SYBU: variants seen among roughly 807,000 people sequenced by gnomAD.
SYBU encodes syntabulin, also known as GOLSYN A protein.
A neutral mutation model predicts 35.9 loss-of-function variants in SYBU; 21 were observed. The ratio of observed to expected loss-of-function variants is 0.58; its 90% CI spans 0.41 to 0.84. The LOEUF (loss-of-function observed/expected upper bound fraction) is 0.84. Ranked by LOEUF, SYBU falls within the 40% of genes least tolerant of loss-of-function variation. SYBU has a pLI of 0.00. For missense variants in SYBU, 768 were observed against 848.2 expected (o/e 0.91, Z 1.17); for synonymous variants, 319 against 324.3 (o/e 0.98, Z 0.18).
intron 2 of SYBU, among the ~76,000 whole-genome samples, chr8:109,623,528 A>C (rs534322626): frequency 2.0e-4 from 31 of 152,316 alleles, no homozygotes; most frequent in Non-Finnish European, 4.1e-4. Flanking sequence ...GAAAATAAAA[A>C]ACATGCTAAG....
At chr8:109,668,845 C>T (rs997161521) in intron 1 of SYBU, among the ~76,000 whole-genome samples, 1 of 152,132 alleles carries the variant, frequency 6.6e-6, no homozygotes, top group African/African-American at 2.4e-5. Flanking sequence ...TAAAATTCCT[C>T]TTAATTTGTA....
At chr8:109,655,290 T>C (rs970054616) in intron 1 of SYBU, among the ~76,000 whole-genome samples, 1 of 152,254 alleles carries the variant, frequency 6.6e-6, no homozygotes, top group African/African-American at 2.4e-5. Context: ...TGCTCCTGTC[T>C]TGAGTGTGAA....
chr8:109,589,206 C>T (rs1347606373), intron 3 of SYBU, among the ~76,000 whole-genome samples: 4 of 151,912 alleles, frequency 2.6e-5, no homozygotes, highest in Non-Finnish European at 4.4e-5. Context: ...AAAGAAAAAA[C>T]GTAGGACCTC....
chr8:109,644,564 T>C (rs1586933006), intron 1 of SYBU, 72 bp downstream of exon 1: 1 of 1,499,888 alleles, frequency 6.7e-7, no homozygotes, highest in South Asian at 1.2e-5. Flanking sequence ...CCAGCTCTCA[T>C]CCCGCCGCTT....
chr8:109,648,006 A>G (rs886999881), upstream of SYBU: 11 of 152,170 alleles, frequency 7.2e-5, no homozygotes, highest in African/African-American at 2.7e-4. Flanking sequence ...ATTAGAAGAA[A>G]TGTCTTGTAA....
At chr8:109,621,896 C>T (rs1812440052) in intron 2 of SYBU, among the ~76,000 whole-genome samples, 1 of 152,152 alleles carries the variant, frequency 6.6e-6, no homozygotes, top group Admixed American at 6.6e-5. Flanking sequence ...AAGACCCCAG[C>T]AAAGGCACAG....
intron 1 of SYBU, among the ~76,000 whole-genome samples, chr8:109,654,404 C>T (rs745980038): frequency 1.3e-5 from 2 of 152,106 alleles, no homozygotes; most frequent in Non-Finnish European, 2.9e-5. Flanking sequence ...AATACTCGCA[C>T]ATTTTTGAAA....
chr8:109,622,285 G>C (rs796685860), intron 2 of SYBU, among the ~76,000 whole-genome samples: 42 of 151,836 alleles, frequency 2.8e-4, no homozygotes, highest in African/African-American at 1.0e-3. Context: ...AGGCTGCAGT[G>C]CAGTGGTGTG....
intron 3 of SYBU, among the ~76,000 whole-genome samples, chr8:109,615,711 T>C (rs1175950969): frequency 6.6e-6 from 1 of 152,168 alleles, no homozygotes; most frequent in East Asian, 1.9e-4. Context: ...GCAATTACAT[T>C]AGAAGCAGTT....
At chr8:109,600,555 A>G (rs1053415634) in intron 3 of SYBU, among the ~76,000 whole-genome samples, 1 of 152,234 alleles carries the variant, frequency 6.6e-6, no homozygotes, top group Non-Finnish European at 1.5e-5. Flanking sequence ...ACTTACATAT[A>G]TGATTGCAGA....
rs143661970 is a variant in SYBU, at chr8:109,596,467, T to G, written c.428-10305A>C. On this transcript the variant is annotated intron_variant, in intron 3 of 6. Coordinates refer to ENST00000276646, the MANE Select transcript of SYBU (RefSeq NM_001099754.2). ...TTACATGCATTTATGTGGTCTTCCTTTATCTTATCCCCTGTTCACCATTTC... is the reference window on the plus strand; with the variant it reads ...TTACATGCATTTATGTGGTCTTCCTGTATCTTATCCCCTGTTCACCATTTC... Among the ~76,000 whole-genome samples, 7 of 152,336 alleles carry G rather than the reference T, an allele frequency of 4.6e-5. No homozygotes were observed. The East Asian group carries it at 1.3e-3, about 29-fold the overall frequency.
At chr8:109,634,284 CA>C (rs1233527749) in intron 2 of SYBU, among the ~76,000 whole-genome samples, 1 of 152,070 alleles carries the variant, frequency 6.6e-6, no homozygotes, top group Non-Finnish European at 1.5e-5. Context: ...GTTTTCTTAG[CA>C]AAAAGATCTC....
At chr8:109,683,134 C>A (rs577525674), upstream of SYBU, among the ~76,000 whole-genome samples, 3 of 152,198 alleles carry the variant, frequency 2.0e-5, no homozygotes, top group Admixed American at 6.5e-5. Flanking sequence ...GTTGGGGGCA[C>A]TGCCTAGTAG....
intron 3 of SYBU, among the ~76,000 whole-genome samples, chr8:109,610,548 A>G (rs1811060808): frequency 6.6e-6 from 1 of 152,222 alleles, no homozygotes; most frequent in Non-Finnish European, 1.5e-5. Context: ...GTGCTGCTGA[A>G]GCATTACTCC....
chr8:109,608,794 T>G (rs1266740238), intron 3 of SYBU, among the ~76,000 whole-genome samples: 1 of 152,214 alleles, frequency 6.6e-6, no homozygotes, highest in African/African-American at 2.4e-5. Flanking sequence ...GATCATTTAT[T>G]GAGCACATAC....
At chr8:109,659,330 A>G (rs144071604) in intron 1 of SYBU, among the ~76,000 whole-genome samples, 158 of 152,320 alleles carry the variant, frequency 1.0e-3, no homozygotes, top group African/African-American at 3.4e-3. Context: ...AGGCAATATC[A>G]AACAATTTGA....
In SYBU at chr8:109,575,140, C is replaced by A. The variant is rs1375243302; in HGVS notation, c.1758G>T (p.Arg586Ser). 3 of 1,614,220 alleles carry A rather than the reference C, an allele frequency of 1.9e-6. No homozygotes were observed. The highest frequency in any genetic ancestry group is 1.7e-5 in the Admixed American group (1 of 60,034). ...GAGCCAGTGGGATGACACCATCCAA[C>A]CTCTCTTCCACGCAGGCTGCAAAAT... ...ELDFAACVEE[R>S]LDGVIPLARG... is the part of the protein sequence containing the mutation. The change falls in exon 7 of 7, where the codon AGG becomes AGT. Residue 586 changes from arginine to serine, a missense_variant. Arg to Ser is a moderately radical substitution (Grantham distance 110, BLOSUM62 -1). Transcript: ENST00000276646.
At position 109,619,011 on chromosome 8, in the gene SYBU, T is replaced by G. The variant is rs1586849193; in HGVS notation, c.258A>C (p.Ser86=). 6.2e-7 allele frequency: 1 copy of G among 1,613,982 alleles called. No homozygotes were observed. The part of the protein sequence containing the change: ...SDDTGCPSSQ[S]VSPVKTPSDA... ...CTGAGGGTGTCTTCACAGGAGACAC[T>G]GACTGGCTGCTAGGACAGCCTGTGT... The change falls in exon 3 of 7, where the codon TCA becomes TCC. Residue 86 remains serine, a synonymous_variant. Coordinates refer to ENST00000276646, the MANE Select transcript of SYBU (RefSeq NM_001099754.2).
upstream of SYBU, among the ~76,000 whole-genome samples, chr8:109,683,762 G>A (rs1042978348): frequency 5.3e-5 from 8 of 152,272 alleles, no homozygotes; most frequent in South Asian, 4.1e-4. Context: ...TAATCTCAAC[G>A]TGTCATGGGA....
Sources: gnomAD v4.1 joint callset for allele counts (sites outside exome capture counted in the v4.1 genomes callset) on GRCh38, gnomAD v4.1.1 for gene constraint, MANE v1.5 for transcripts, NCBI Gene and HGNC (gene_info 2026-07-23, HGNC 2026-07-21) for gene names.